Variants in PCDH11X observed in about 807,000 individuals in gnomAD.
The protein encoded by PCDH11X is protocadherin-11 X-linked.
PCDH11X carries 18 observed loss-of-function variants against 53.3 expected under a neutral mutation model. The ratio of observed to expected loss-of-function variants is 0.34; its 90% confidence interval spans 0.23 to 0.50. The LOEUF is 0.50. Among genes scored for constraint, PCDH11X ranks in the 20% least tolerant of loss-of-function variants. The pLI is 0.98. For missense variants in PCDH11X, 570 were observed against 1,032.4 expected (o/e 0.55, Z 6.14); for synonymous variants, 279 against 393.3 (o/e 0.71, Z 3.44).
chrX:91,884,780 T>C (rs1194336851), intron 6 of PCDH11X, among the ~76,000 whole-genome samples: 1 of 110,612 alleles, frequency 9.0e-6, no homozygotes, highest in Non-Finnish European at 1.9e-5. Context: ...ACCCTTATAA[T>C]GATTACATAG....
chrX:92,132,635 GTA>G (rs796606879), intron 6 of PCDH11X, among the ~76,000 whole-genome samples: 974 of 61,769 alleles, frequency 0.016, 5 homozygotes, highest in Non-Finnish European at 0.017. Context: ...ATATATATAT[GTA>G]TATATATATA....
intron 4 of PCDH11X, among the ~76,000 whole-genome samples, chrX:91,818,597 C>T (rs770426426): frequency 2.6e-3 from 278 of 108,827 alleles, no homozygotes; most frequent in Non-Finnish European, 4.0e-3. Flanking sequence ...CCCAGCTACT[C>T]GGGAGGCTGA....
intron 6 of PCDH11X, among the ~76,000 whole-genome samples, chrX:91,895,266 C>T (rs1355079736): frequency 1.8e-5 from 2 of 111,329 alleles, no homozygotes; most frequent in Admixed American, 9.6e-5. Context: ...TATTTAACCA[C>T]ATAAGCTGCT....
chrX:92,107,125 C>T (rs776128919), intron 6 of PCDH11X, among the ~76,000 whole-genome samples: 3 of 111,223 alleles, frequency 2.7e-5, no homozygotes. Context: ...GGAAGCCACC[C>T]CTCAATCCCC....
At chrX:92,451,502 C>T (rs2072779338) in intron 9 of PCDH11X, among the ~76,000 whole-genome samples, 1 of 104,671 alleles carries the variant, frequency 9.6e-6, no homozygotes. Context: ...AATGGAAAAC[C>T]TTAAAATGTG....
chrX:92,132,675 GTA>G (rs1375197121), intron 6 of PCDH11X, among the ~76,000 whole-genome samples: 4 of 49,480 alleles, frequency 8.1e-5, no homozygotes, highest in South Asian at 8.4e-4. Flanking sequence ...ATATGTATAT[GTA>G]TATATATATG....
At chrX:92,323,687 C>G (rs1396716012) in intron 8 of PCDH11X, among the ~76,000 whole-genome samples, 1 of 110,958 alleles carries the variant, frequency 9.0e-6, no homozygotes, top group East Asian at 2.8e-4. Context: ...TACTGGCTTT[C>G]TACTATGATT....
At chrX:92,478,737 A>C (rs778322307) in intron 10 of PCDH11X, among the ~76,000 whole-genome samples, 1 of 109,358 alleles carries the variant, frequency 9.1e-6, no homozygotes, top group Admixed American at 9.8e-5. Flanking sequence ...GATCTGAGGG[A>C]GTGATTCTTA....
At chrX:92,053,275 A>G (rs921485458) in intron 6 of PCDH11X, among the ~76,000 whole-genome samples, 1 of 109,896 alleles carries the variant, frequency 9.1e-6, no homozygotes, top group African/African-American at 3.3e-5. Flanking sequence ...CAGGGTCCCA[A>G]ACTGCATTAG....
chrX:92,478,844 A>C (rs890991373), intron 10 of PCDH11X, among the ~76,000 whole-genome samples: 3 of 110,837 alleles, frequency 2.7e-5, no homozygotes, highest in Non-Finnish European at 5.7e-5. Flanking sequence ...AATAATGTAC[A>C]TTCTGTGGTA....
At chrX:92,571,473 A>G (rs1922205903) in intron 10 of PCDH11X, among the ~76,000 whole-genome samples, 2 of 109,716 alleles carry the variant, frequency 1.8e-5, no homozygotes, top group African/African-American at 6.6e-5. Context: ...AAAAATATGA[A>G]GTTGATATTT....
chrX:92,030,945 A>G (rs1327801433), intron 6 of PCDH11X, among the ~76,000 whole-genome samples: 1 of 106,546 alleles, frequency 9.4e-6, no homozygotes, highest in Non-Finnish European at 1.9e-5. Context: ...TGCAACAAAC[A>G]TGGGGGTGCA....
Position 92,393,725 on chromosome X carries a change from G to A in PCDH11X, c.3343+5792G>A, listed in dbSNP as rs769044646. 6.0e-4 allele frequency among the ~76,000 whole-genome samples: 66 copies of A among 110,789 alleles called. 1 individual carries two copies. The highest frequency in any genetic ancestry group is 2.1e-3 in the African/African-American group (63 of 30,647). ...GTCCCTGATGTGTTATGTAAATAGT[G>A]TTAGAAAAGTATCTATATATAAATA... On this transcript the variant is annotated intron_variant, in intron 9 of 10. Coordinates refer to ENST00000682573, the MANE Select transcript of PCDH11X (RefSeq NM_032968.5).
At chrX:92,134,267 G>C (rs1208266123) in intron 6 of PCDH11X, among the ~76,000 whole-genome samples, 1 of 110,761 alleles carries the variant, frequency 9.0e-6, no homozygotes, top group African/African-American at 3.3e-5. Flanking sequence ...AGGGAGGTAT[G>C]TCGTTTTTTT....
intron 5 of PCDH11X, among the ~76,000 whole-genome samples, chrX:91,852,770 T>C: frequency 9.1e-6 from 1 of 110,460 alleles, no homozygotes; most frequent in South Asian, 4.0e-4. Context: ...TGCCCAATTG[T>C]GACAAGCAAA....
intron 1 of PCDH11X, among the ~76,000 whole-genome samples, chrX:91,807,404 T>A (rs1936155834): frequency 1.8e-5 from 2 of 109,970 alleles, no homozygotes; most frequent in African/African-American, 6.6e-5. Context: ...AGGCAGCAAC[T>A]GGAATTGACA....
At chrX:92,148,058 CT>C (rs1321670485) in intron 6 of PCDH11X, among the ~76,000 whole-genome samples, 1,329 of 7,292 alleles carry the variant, frequency 0.18, 73 homozygotes, top group African/African-American at 0.2. Flanking sequence ...TCCTTCCTTC[CT>C]TTCTTTCTTT....
At chrX:92,374,250 T>A (rs2070690235) in intron 8 of PCDH11X, among the ~76,000 whole-genome samples, 2 of 106,743 alleles carry the variant, frequency 1.9e-5, no homozygotes, top group South Asian at 8.4e-4. Flanking sequence ...TCTCTTTTTA[T>A]AATATGAATT....
intron 8 of PCDH11X, among the ~76,000 whole-genome samples, chrX:92,355,516 T>C (rs1217740125): frequency 9.8e-6 from 1 of 101,655 alleles, no homozygotes; most frequent in Non-Finnish European, 2.0e-5. Flanking sequence ...CTTTAATACA[T>C]CTGAAGGTTA....
Sources: allele counts gnomAD v4.1 joint callset (sites outside exome capture counted in the v4.1 genomes callset), GRCh38; gene constraint gnomAD v4.1.1; transcripts MANE v1.5; gene names NCBI Gene and HGNC (gene_info 2026-07-23, HGNC 2026-07-21).